CYP2A6: variants seen among roughly 807,000 people sequenced by gnomAD.
CYP2A6 encodes cytochrome P450 2A6.
A neutral mutation model predicts 42.3 loss-of-function variants in CYP2A6; 27 were observed. The observed-to-expected ratio is 0.64, with a 90% confidence interval of 0.47 to 0.88. The LOEUF is 0.88. Among genes scored for constraint, CYP2A6 ranks in the 40% least tolerant of loss-of-function variants. The pLI, the probability that CYP2A6 is intolerant of heterozygous loss-of-function variation, is 0.00. For synonymous variants in CYP2A6, 238 were observed against 246.3 expected (o/e 0.97, Z 0.31); for missense variants, 628 against 646.0 (o/e 0.97, Z 0.30).
In CYP2A6 at chr19:40,843,712, A is replaced by C; in HGVS notation, c.*84T>G. On this transcript the variant is annotated 3_prime_UTR_variant, in exon 9 of 9. Coordinates refer to ENST00000301141, the MANE Select transcript of CYP2A6 (RefSeq NM_000762.6). ...TTTCCGCCATCCTGCCCCCAGTCTT[A>C]GCTGCGCCCCTCTCCCAAGCCCGGT... is the stretch of plus-strand genomic sequence containing the variant. 7.4e-7 allele frequency: 1 copy of C among 1,345,034 alleles called. No individual in the cohort carries two copies. Among genetic ancestry groups the C allele is most frequent in the Non-Finnish European group, 9.9e-7 (1 of 1,007,410 alleles). 83.3% of individuals were successfully genotyped at this position (1,345,034 alleles called of 1,614,324 possible).
At chr19:40,845,162 G>T (rs747285430) in intron 7 of CYP2A6, 132 bp downstream of exon 7, 3 of 1,133,974 alleles carry the variant, frequency 2.6e-6, no homozygotes, top group Non-Finnish European at 3.9e-6. Flanking sequence ...GGATGTGGTG[G>T]TTGGGGAAGT....
intron 8 of CYP2A6, 91 bp downstream of exon 8, chr19:40,844,540 A>G: frequency 6.2e-7 from 1 of 1,602,688 alleles, no homozygotes; most frequent in Non-Finnish European, 8.5e-7. Context: ...AAGCTGGAGA[A>G]ATACCAGGCT....
intron 5 of CYP2A6, 36 bp from the exon 6 acceptor site, chr19:40,846,133 C>T (rs751002550): frequency 6.8e-6 from 11 of 1,608,114 alleles, no homozygotes; most frequent in South Asian, 2.2e-5. Context: ...AACCTCACTC[C>T]TCTTGCCCTC....
At chr19:40,849,498 C>G (rs1259902229) in intron 2 of CYP2A6, among the ~76,000 whole-genome samples, 1 of 151,130 alleles carries the variant, frequency 6.6e-6, no homozygotes, top group African/African-American at 2.4e-5. Flanking sequence ...GACAAAAAGA[C>G]AAATGAAGAC....
chr19:40,850,181 G>T lies in CYP2A6; in HGVS notation c.180+66C>A, dbSNP rs941512214. 31 of 1,570,964 alleles carry T rather than the reference G, an allele frequency of 2.0e-5. 2 individuals are homozygous for T. The highest frequency in any genetic ancestry group is 2.7e-5 in the African/African-American group (2 of 73,950). On this transcript the variant is annotated intron_variant, in intron 1 of 8. Transcript: ENST00000301141. Reference sequence around the variant, plus strand: ...TCTGGTCCACACTGGTCAACCCCCTGCCACAAAGCCCCAGCCAACTAGGCA... The same window carrying T: ...TCTGGTCCACACTGGTCAACCCCCTTCCACAAAGCCCCAGCCAACTAGGCA...
intron 7 of CYP2A6, 135 bp from the exon 8 acceptor site, chr19:40,844,907 G>A: frequency 2.6e-6 from 3 of 1,167,876 alleles, no homozygotes; most frequent in Non-Finnish European, 3.6e-6. Context: ...GTCCTCTGAT[G>A]GAGGAGCTTT....
At chr19:40,847,136 G>A in intron 4 of CYP2A6, 85 bp from the exon 5 acceptor site, 7 of 1,533,564 alleles carry the variant, frequency 4.6e-6, no homozygotes, top group Non-Finnish European at 6.2e-6. Context: ...TTCATAGCAA[G>A]GAAGGAACTG....
In CYP2A6 at chr19:40,849,808, A is replaced by T; in HGVS notation, c.343+10T>A. 6.2e-7 allele frequency: 1 copy of T among 1,609,336 alleles called. No individual in the cohort carries two copies. The highest frequency in any genetic ancestry group is 8.5e-7 in the Non-Finnish European group (1 of 1,179,470). ...CCTGGCCACCTTCCCCCTCTTGGGC[A>T]CCCCCTCACCATAGCCTTTGAAGAC... On this transcript the variant is annotated intron_variant, in intron 2 of 8. Coordinates refer to ENST00000301141, the MANE Select transcript of CYP2A6 (RefSeq NM_000762.6).
intron 6 of CYP2A6, 119 bp downstream of exon 6, chr19:40,845,837 T>C (rs1276896880): frequency 4.1e-6 from 6 of 1,466,080 alleles, no homozygotes; most frequent in African/African-American, 2.9e-5. Context: ...TTGCCCTGTC[T>C]CTGGACAGCA....
chr19:40,845,501 G>A lies in CYP2A6; in HGVS notation c.974-20C>T. ...CCTTGGCTGGGGGAGGAGGGGGAAT[G>A]TGTTTAGGTATCTAGGGGTCTCAGA... On this transcript the variant is annotated intron_variant, in intron 6 of 8. Coordinates refer to ENST00000301141, the MANE Select transcript of CYP2A6 (RefSeq NM_000762.6). 1 of 1,610,956 alleles carries A rather than the reference G, an allele frequency of 6.2e-7. No homozygotes were observed. Among genetic ancestry groups the A allele is most frequent in the Non-Finnish European group, 8.5e-7 (1 of 1,179,288 alleles).
In CYP2A6 at chr19:40,848,247, A is replaced by C. The variant is rs527966463; in HGVS notation, c.626T>G (p.Phe209Cys). Reference sequence around the variant, plus strand: ...CCCCGTGGAGGTTGACGTGAACTGGAAGATTCCTAGCATCATGCGCAACAG... The same window carrying C: ...CCCCGTGGAGGTTGACGTGAACTGGCAGATTCCTAGCATCATGCGCAACAG... The part of the protein sequence containing the change: ...LSLLRMMLGI[F>C]QFTSTSTGQL... Residue 209 changes from phenylalanine (F) to cysteine (C), a missense_variant, in exon 4 of 9, where the codon TTC becomes TGC. By Grantham distance (205) the Phe-to-Cys change is radical. This residue lies in a region of CYP2A6 where 606 missense variants were observed against 568.1 expected (regional missense o/e 1.07). Coordinates refer to ENST00000301141, the MANE Select transcript of CYP2A6 (RefSeq NM_000762.6). 47 of 1,611,758 alleles carry C rather than the reference A, an allele frequency of 2.9e-5. 2 individuals carry two copies. In the South Asian group the frequency reaches 4.9e-4, roughly 17 times the overall value.
Position 40,849,806 on chromosome 19 carries a change from G to T in CYP2A6, c.343+12C>A. 1.2e-6 allele frequency: 2 copies of T among 1,608,224 alleles called. No homozygotes were observed. Among genetic ancestry groups the T allele is most frequent in the Non-Finnish European group, 1.7e-6 (2 of 1,179,494 alleles). ...CACCTGGCCACCTTCCCCCTCTTGG[G>T]CACCCCCTCACCATAGCCTTTGAAG... is the stretch of plus-strand genomic sequence containing the variant. On this transcript the variant is annotated intron_variant, in intron 2 of 8. Transcript: ENST00000301141.
intron 2 of CYP2A6, among the ~76,000 whole-genome samples, chr19:40,848,985 GA>G (rs1967159557): frequency 1.7e-5 from 2 of 120,630 alleles, no homozygotes; most frequent in African/African-American, 7.1e-5. Context: ...AGAAGAGAGA[GA>G]GGAGAGAGAG....
At chr19:40,847,844 G>A (rs1967127055) in intron 4 of CYP2A6, among the ~76,000 whole-genome samples, 1 of 151,612 alleles carries the variant, frequency 6.6e-6, no homozygotes. Context: ...AGGTATGCAG[G>A]AGGCCGGTTG....
In CYP2A6 at chr19:40,850,304, G is replaced by A; in HGVS notation, c.123C>T (p.Pro41=). The A allele has an allele frequency of 6.2e-7, 1 of 1,610,170 alleles. No homozygotes were observed. Among genetic ancestry groups the A allele is most frequent in the Non-Finnish European group, 8.5e-7 (1 of 1,178,826 alleles). ...TCAGCTGCAGGTAGTTTCCAATGAAGGGCAATGGGGTGGGTCCCGGAGGCA... is the reference window on the plus strand; with the variant it reads ...TCAGCTGCAGGTAGTTTCCAATGAAAGGCAATGGGGTGGGTCCCGGAGGCA... ...GKLPPGPTPL[P]FIGNYLQLNT... The change falls in exon 1 of 9, where the codon CCC becomes CCT. Residue 41 remains proline, a synonymous_variant. Transcript: ENST00000301141.
In CYP2A6 at chr19:40,844,824, A is replaced by G. The variant is rs754111277; in HGVS notation, c.1162-52T>C. 3.2e-6 allele frequency: 5 copies of G among 1,576,348 alleles called. 1 individual carries two copies. The South Asian group carries it at 5.9e-5, about 19-fold the overall frequency. On this transcript the variant is annotated intron_variant, in intron 7 of 8. Transcript: ENST00000301141. ...GATGAGGAGGGTCGGGGGATTGGTG[A>G]AAGTACACAGGGGCTGGAGGGGGAA...
intron 7 of CYP2A6, 183 bp from the exon 8 acceptor site, chr19:40,844,955 T>G: frequency 7.6e-6 from 6 of 794,416 alleles, no homozygotes; most frequent in African/African-American, 1.8e-5. Context: ...ACAGGAAGTT[T>G]GGGAGACATG....
chr19:40,848,136 G>T (rs1431401321), intron 4 of CYP2A6, 83 bp downstream of exon 4: 21 of 1,582,944 alleles, frequency 1.3e-5, no homozygotes, highest in Non-Finnish European at 1.7e-5. Context: ...AGGGCGGTGG[G>T]AGTTTGGGGC....
Position 40,850,145 on chromosome 19 carries a change from T to C in CYP2A6, c.180+102A>G, listed in dbSNP as rs1278393882. 2.0e-6 allele frequency: 3 copies of C among 1,534,562 alleles called. No homozygotes were observed. The East Asian group carries it at 7.1e-5, about 36-fold the overall frequency. The stretch of plus-strand genomic sequence containing the variant: ...CTGATGCTGAAACTCCAAAACTCCA[T>C]TTCCTAAGACTCTGGTCCACACTGG... On this transcript the variant is annotated intron_variant, in intron 1 of 8. Transcript: ENST00000301141.
Sources: allele counts gnomAD v4.1 joint callset (sites outside exome capture counted in the v4.1 genomes callset), GRCh38; gene constraint gnomAD v4.1.1; regional missense constraint gnomAD v4.1.1; transcripts MANE v1.5; gene names NCBI Gene and HGNC (gene_info 2026-07-23, HGNC 2026-07-21).